STAG1: variants seen among roughly 807,000 people sequenced by gnomAD.
The protein encoded by STAG1 is cohesin subunit SA-1.
A neutral mutation model predicts 170.9 loss-of-function variants in STAG1; 26 were observed. That is an observed-to-expected ratio of 0.15 (90% CI 0.11 to 0.21). The LOEUF (loss-of-function observed/expected upper bound fraction) is 0.21. Among genes scored for constraint, STAG1 ranks in the 10% least tolerant of loss-of-function variants. STAG1 has a pLI of 1.00. For missense variants in STAG1, 964 were observed against 1,509.5 expected, an observed-to-expected ratio of 0.64 and a Z score of 5.99; for synonymous variants, 514 against 497.7, an observed-to-expected ratio of 1.03 and a Z score of -0.44.
intron 13 of STAG1, among the ~76,000 whole-genome samples, chr3:136,453,717 T>C (rs944530240): frequency 5.3e-5 from 8 of 150,600 alleles, no homozygotes; most frequent in Non-Finnish European, 7.4e-5. Flanking sequence ...GAATAAACGG[T>C]AGATAAGTAT....
At chr3:136,606,050 CA>C (rs561732159) in intron 3 of STAG1, among the ~76,000 whole-genome samples, 7 of 145,192 alleles carry the variant, frequency 4.8e-5, no homozygotes, top group Admixed American at 6.9e-5. Flanking sequence ...TTCAGATTTA[CA>C]AAAAAAAAAG....
intron 6 of STAG1, among the ~76,000 whole-genome samples, chr3:136,525,100 C>T (rs1934934723): frequency 6.6e-6 from 1 of 152,160 alleles, no homozygotes; most frequent in Non-Finnish European, 1.5e-5. Flanking sequence ...CAAGATGATG[C>T]TGGCCTTATA....
chr3:136,420,175 A>C (rs1366591362), intron 20 of STAG1, among the ~76,000 whole-genome samples: 1 of 146,968 alleles, frequency 6.8e-6, no homozygotes, highest in Non-Finnish European at 1.5e-5. Context: ...TAAGCCTGGA[A>C]GGCGGCAGTT....
At position 136,422,484 on chromosome 3, in the gene STAG1, C is replaced by G; in HGVS notation, c.1963G>C (p.Asp655His). ...SEEYTIQNRV[D>H]IARSQLIDEF... is the part of the protein sequence containing the mutation. ...TCAATCAGCTGGCTTCGAGCTATGT[C>G]AACTCTGTTCTGGATGGTATATTCT... is the stretch of plus-strand genomic sequence containing the variant. The change falls in exon 19 of 34, where the codon GAC (aspartate) becomes CAC (histidine). Residue 655 changes from aspartate (D) to histidine (H), a missense_variant. By Grantham distance (81) the Asp-to-His change is moderately conservative. Transcript: ENST00000383202. The G allele has an allele frequency of 6.2e-7, 1 of 1,614,072 alleles. No individual in the cohort carries two copies. Among genetic ancestry groups the G allele is most frequent in the Non-Finnish European group, 8.5e-7 (1 of 1,179,988 alleles).
At chr3:136,355,082 G>C (rs1034022066) in intron 28 of STAG1, among the ~76,000 whole-genome samples, 1 of 151,950 alleles carries the variant, frequency 6.6e-6, no homozygotes, top group Non-Finnish European at 1.5e-5. Context: ...GCCAGGCGTG[G>C]TGGCTCACAC....
At chr3:136,671,983 G>A (rs1224893776) in intron 1 of STAG1, among the ~76,000 whole-genome samples, 2 of 152,214 alleles carry the variant, frequency 1.3e-5, no homozygotes, top group Non-Finnish European at 2.9e-5. Context: ...CAGTGACACA[G>A]GGGGTGGTAG....
At chr3:136,498,339 C>T (rs1426402503) in intron 9 of STAG1, among the ~76,000 whole-genome samples, 2 of 143,958 alleles carry the variant, frequency 1.4e-5, no homozygotes, top group East Asian at 4.1e-4. Context: ...GCAACGCATT[C>T]AATGATAAAA....
At chr3:136,537,163 G>C (rs911342123) in intron 6 of STAG1, among the ~76,000 whole-genome samples, 1 of 151,846 alleles carries the variant, frequency 6.6e-6, no homozygotes, top group Non-Finnish European at 1.5e-5. Context: ...TCTCATCTTG[G>C]AGCAGTTTCC....
chr3:136,347,507 A>AAAT (rs1936277882), intron 29 of STAG1, among the ~76,000 whole-genome samples: 1 of 152,166 alleles, frequency 6.6e-6, no homozygotes, highest in Non-Finnish European at 1.5e-5. Flanking sequence ...TGGACTTTTA[A>AAAT]AAAAGACTTT....
At chr3:136,600,915 A>T (rs977269632) in intron 4 of STAG1, among the ~76,000 whole-genome samples, 2 of 150,072 alleles carry the variant, frequency 1.3e-5, no homozygotes, top group African/African-American at 2.5e-5. Context: ...GTTTGAGAAG[A>T]AGTCTTCCTC....
At chr3:136,592,495 T>C (rs2107794265) in intron 4 of STAG1, among the ~76,000 whole-genome samples, 1 of 152,294 alleles carries the variant, frequency 6.6e-6, no homozygotes, top group Admixed American at 6.5e-5. Flanking sequence ...TCTTTATAAA[T>C]TACCCAGTCT....
chr3:136,569,240 G>A (rs1314841829), intron 4 of STAG1, among the ~76,000 whole-genome samples: 2 of 151,882 alleles, frequency 1.3e-5, no homozygotes, highest in African/African-American at 2.4e-5. Context: ...TCCACCAGTA[G>A]TGCATAAAAA....
rs116790478 is a variant in STAG1, at chr3:136,702,763, C to T, written c.-84+49432G>A. Among the ~76,000 whole-genome samples, 600 of 152,044 alleles carry T rather than the reference C, an allele frequency of 3.9e-3. 2 individuals are homozygous for T. Among genetic ancestry groups the T allele is most frequent in the Middle Eastern group, 0.02 (6 of 294 alleles). On this transcript the variant is annotated intron_variant, in intron 1 of 33. Transcript: ENST00000383202. ...TTTTAAGCTAGGAAACAGGAGATAACGTCAATATATAAAACTAAAGGCCGG... is the reference window on the plus strand; with the variant it reads ...TTTTAAGCTAGGAAACAGGAGATAATGTCAATATATAAAACTAAAGGCCGG...
chr3:136,593,312 G>A (rs1021113311), intron 4 of STAG1, among the ~76,000 whole-genome samples: 10 of 152,088 alleles, frequency 6.6e-5, no homozygotes, highest in African/African-American at 2.4e-4. Context: ...GTACATATTA[G>A]GTGAGATATG....
At chr3:136,403,935 A>G (rs1244982725) in intron 21 of STAG1, among the ~76,000 whole-genome samples, 1 of 152,208 alleles carries the variant, frequency 6.6e-6, no homozygotes, top group African/African-American at 2.4e-5. Context: ...TAAAATAAAA[A>G]GCTTGCTCTT....
chr3:136,650,463 C>T (rs1365136278), intron 1 of STAG1, among the ~76,000 whole-genome samples: 2 of 152,162 alleles, frequency 1.3e-5, no homozygotes, highest in African/African-American at 4.8e-5. Flanking sequence ...ACAAGTATTA[C>T]ATATGCAATA....
chr3:136,411,979 A>G lies in STAG1; in HGVS notation c.2196+5906T>C, dbSNP rs531569669. ...ATTGTGTATTTTTAGTAGAGAGAGC[A>G]TTTTGCCATATTGGCCTGGGTGACA... On this transcript the variant is annotated intron_variant, in intron 21 of 33. Transcript: ENST00000383202. 3.3e-5 allele frequency among the ~76,000 whole-genome samples: 5 copies of G among 152,126 alleles called. No individual in the cohort carries two copies. In the East Asian group the frequency reaches 9.8e-4, roughly 30 times the overall value.
At chr3:136,571,849 C>G (rs1041853504) in intron 4 of STAG1, among the ~76,000 whole-genome samples, 3 of 152,078 alleles carry the variant, frequency 2.0e-5, no homozygotes, top group African/African-American at 7.2e-5. Flanking sequence ...CTAACACACT[C>G]TCTCTAGCCT....
At chr3:136,533,720 G>C (rs895828549) in intron 6 of STAG1, among the ~76,000 whole-genome samples, 2 of 152,132 alleles carry the variant, frequency 1.3e-5, no homozygotes, top group Non-Finnish European at 2.9e-5. Context: ...CTTCCCACCA[G>C]GCCCCACTTC....
Sources: gnomAD v4.1 joint callset for allele counts (sites outside exome capture counted in the v4.1 genomes callset) on GRCh38, gnomAD v4.1.1 for gene constraint, MANE v1.5 for transcripts, NCBI Gene and HGNC (gene_info 2026-07-23, HGNC 2026-07-21) for gene names.